The following ARSA variants were observed in gnomAD, a reference collection of about 807,000 sequenced individuals.
The protein encoded by ARSA is cerebroside-sulfatase.
A neutral mutation model predicts 37.8 loss-of-function variants in ARSA; 32 were observed. The observed-to-expected ratio is 0.85, with a 90% CI of 0.64 to 1.14. The LOEUF (loss-of-function observed/expected upper bound fraction) is 1.14, where lower values mean the gene tolerates loss of function less well. ARSA is among the 50% of genes most tolerant of loss of function. The probability of loss-of-function intolerance (pLI) is 0.00; values close to 1 mark genes in which losing one functional copy is unlikely to be tolerated. For synonymous variants in ARSA, 303 were observed against 303.4 expected (o/e 1.00, Z 0.01); for missense variants, 685 against 686.3 (o/e 1.00, Z 0.02).
rs5741862 is a variant in ARSA, at chr22:50,624,805, A to C, written c.*340T>G. ...GTGAACAGATGTGCCCATGTCCTTG[A>C]GGCTGACGTGTGCCTGTGTGCACTG... On this transcript the variant is annotated 3_prime_UTR_variant, in exon 8 of 8. Transcript: ENST00000216124. 7.6e-6 allele frequency among the ~76,000 whole-genome samples: 1 copy of C among 131,766 alleles called. No individual in the cohort carries two copies. Among genetic ancestry groups the C allele is most frequent in the Non-Finnish European group, 1.5e-5 (1 of 65,268 alleles). 86.4% of individuals were successfully genotyped at this position (131,766 alleles called of 152,430 possible). A position where few individuals can be genotyped will look rare whatever the true frequency, so the allele number is the denominator to read the frequency against.
rs188227227 is a variant in ARSA at position 50,628,085 on chromosome 22, G to A, written c.-306C>T. 1.8e-5 allele frequency: 7 copies of A among 394,136 alleles called. No homozygotes were observed. The Admixed American group carries it at 2.7e-4, about 15-fold the overall frequency. The allele number at this position is 394,136 out of a possible 1,614,324, so 24.4% of individuals were successfully genotyped here. ...TCACTTGGCGCTGACCAGCGGAGTC[G>A]GGCCGGGGGGAAGGCGCTAGAGGGA... On this transcript the variant is annotated 5_prime_UTR_variant, in exon 1 of 8. Coordinates refer to ENST00000216124, the MANE Select transcript of ARSA (RefSeq NM_000487.6).
At position 50,627,613 on chromosome 22, in the gene ARSA, G is replaced by A. The variant is rs1265045922; in HGVS notation, c.167C>T (p.Ala56Val). Residue 56 changes from alanine to valine, a missense_variant, in exon 1 of 8, where the codon GCG becomes GTG. Coordinates refer to ENST00000216124, the MANE Select transcript of ARSA (RefSeq NM_000487.6). The part of the protein sequence containing the change: ...STTPNLDQLA[A>V]GGLRFTDFYV... ...GAAGTCTGTGAACCGCAGCCCTCCC[G>A]CCGCCAGCTGGTCCAGGTTGGGAGT... 8 of 1,562,912 alleles carry A rather than the reference G, an allele frequency of 5.1e-6. No individual in the cohort carries two copies. The highest frequency in any genetic ancestry group is 3.8e-5 in the Admixed American group (2 of 52,426).
chr22:50,626,346 C>T lies in ARSA; in HGVS notation c.855-68G>A, dbSNP rs1448155656. The T allele has an allele frequency of 2.5e-6, 4 of 1,588,270 alleles. No homozygotes were observed. In the African/African-American group the frequency reaches 4.0e-5, roughly 16 times the overall value. The stretch of plus-strand genomic sequence containing the variant: ...CTGAGCCACCGAGGGTGACCAGTGG[C>T]CCCACACCTCTAAGTCACAAAGCTT... On this transcript the variant is annotated intron_variant, in intron 4 of 7. Transcript: ENST00000216124.
At chr22:50,627,489 C>T in intron 1 of ARSA, 67 bp downstream of exon 1, 1 of 1,587,850 alleles carries the variant, frequency 6.3e-7, no homozygotes, top group Non-Finnish European at 8.6e-7. Context: ...TTCCCGCCCC[C>T]CTGCAATCCA....
Position 50,627,712 on chromosome 22 carries a change from G to A in ARSA, c.68C>T (p.Pro23Leu), listed in dbSNP as rs1320741073. 1 of 1,554,858 alleles carries A rather than the reference G, an allele frequency of 6.4e-7. No homozygotes were observed. The highest frequency in any genetic ancestry group is 8.7e-7 in the Non-Finnish European group (1 of 1,149,144). Reference sequence around the variant, plus strand: ...GTCGGCAAAGATCAGCACGATGTTGGGCGGACGGGCAACGGCCAGGCCAGC... The same window carrying A: ...GTCGGCAAAGATCAGCACGATGTTGAGCGGACGGGCAACGGCCAGGCCAGC... Reference protein sequence around the residue: ...LAAGLAVARPPNIVLIFADDL... With the variant: ...LAAGLAVARPLNIVLIFADDL... Residue 23 changes from proline to leucine, a missense_variant, in exon 1 of 8, where the codon CCC becomes CTC. By Grantham distance (98) the Pro-to-Leu change is moderately conservative. Coordinates refer to ENST00000216124, the MANE Select transcript of ARSA (RefSeq NM_000487.6).
Position 50,623,697 on chromosome 22 carries a change from G to C in ARSA, c.*1448C>G, listed in dbSNP as rs2082619933. On this transcript the variant is annotated 3_prime_UTR_variant, in exon 8 of 8. Transcript: ENST00000216124. ...GTGGATCACCTGAGGTCAGGAGTTT[G>C]AGACCAGCCTGGCCAACATGGTGAA... 6.6e-6 allele frequency: 1 copy of C among 152,018 alleles called. No individual in the cohort carries two copies. Among genetic ancestry groups the C allele is most frequent in the Non-Finnish European group, 1.5e-5 (1 of 68,028 alleles). The allele number at this position is 152,018 out of a possible 1,614,324, so 9.4% of individuals were successfully genotyped here.
rs74315478 is a variant in ARSA at position 50,625,653 on chromosome 22, G to T, written c.1136C>A (p.Pro379Gln). The T allele has an allele frequency of 1.9e-6, 3 of 1,613,758 alleles. No individual in the cohort carries two copies. The African/African-American group carries it at 4.0e-5, about 22-fold the overall frequency. The change falls in exon 7 of 8, where the codon CCG (proline) becomes CAG (glutamine). Residue 379 changes from proline (P) to glutamine (Q), a missense_variant. Transcript: ENST00000216124. ...KSPRQSLFFYPSYPDEVRGVF... is the reference protein window; with the variant it reads ...KSPRQSLFFYQSYPDEVRGVF... ...CCCACGGACCTCGTCTGGGTAGGAC[G>T]GGTAGAAGAAGAGAGACTGCCGAGG... is the stretch of plus-strand genomic sequence containing the variant.
chr22:50,627,016 TGGCCGGC>T lies in ARSA; in HGVS notation c.495_501del (p.Pro166LeufsTer32), dbSNP rs1057517429. The T allele has an allele frequency of 1.6e-5, 26 of 1,608,812 alleles. No homozygotes were observed. Among genetic ancestry groups the T allele is most frequent in the Non-Finnish European group, 2.2e-5 (26 of 1,177,750 alleles). On this transcript the variant is annotated frameshift_variant, in exon 3 of 8. Coordinates refer to ENST00000216124, the MANE Select transcript of ARSA (RefSeq NM_000487.6). LOFTEE classifies it high-confidence loss of function. ...TGGTCACAGCCACCGTCGCAAGGAG[TGGCCGGC>T]GGGAAGCAGGTCAGGTTCTGGCAGG...
Position 50,628,138 on chromosome 22 carries a change from G to A in ARSA, c.-359C>T, listed in dbSNP as rs1343902517. The stretch of plus-strand genomic sequence containing the variant: ...CCAGGAGGAGCCGGTACCGGGCTGC[G>A]GGCGCTTCCGCCTCGGCCCCGCCCC... On this transcript the variant is annotated 5_prime_UTR_variant, in exon 1 of 8. Coordinates refer to ENST00000216124, the MANE Select transcript of ARSA (RefSeq NM_000487.6). 1.6e-5 allele frequency: 3 copies of A among 191,690 alleles called. No individual in the cohort carries two copies. The highest frequency in any genetic ancestry group is 2.2e-5 in the Non-Finnish European group (2 of 90,552). 11.9% of individuals were successfully genotyped at this position (191,690 alleles called of 1,614,324 possible).
At position 50,627,743 on chromosome 22, in the gene ARSA, G is replaced by A. The variant is rs1206563649; in HGVS notation, c.37C>T (p.Leu13=). Residue 13 remains leucine, a synonymous_variant, in exon 1 of 8, where the codon CTG becomes TTG. Transcript: ENST00000216124. ...MGAPRSLLLA[L]AAGLAVARPP... ...CGGGCAACGGCCAGGCCAGCAGCCAGGGCCAGGAGGAGGGACCGCGGTGCC... is the reference window on the plus strand; with the variant it reads ...CGGGCAACGGCCAGGCCAGCAGCCAAGGCCAGGAGGAGGGACCGCGGTGCC... 1.9e-6 allele frequency: 3 copies of A among 1,550,700 alleles called. No individual in the cohort carries two copies. The highest frequency in any genetic ancestry group is 1.8e-4 in the Middle Eastern group (1 of 5,604).
In ARSA at chr22:50,628,056, T is replaced by A; in HGVS notation, c.-277A>T. ...CGGTCCGGGCTCAGGGTCGGGGGCGTAAGTCACTTGGCGCTGACCAGCGGA... is the reference window on the plus strand; with the variant it reads ...CGGTCCGGGCTCAGGGTCGGGGGCGAAAGTCACTTGGCGCTGACCAGCGGA... On this transcript the variant is annotated 5_prime_UTR_variant, in exon 1 of 8. Transcript: ENST00000216124. 1 of 472,758 alleles carries A rather than the reference T, an allele frequency of 2.1e-6. No homozygotes were observed. The allele number at this position is 472,758 out of a possible 1,614,324, so 29.3% of individuals were successfully genotyped here.
chr22:50,626,956 A>C lies in ARSA; in HGVS notation c.562T>G (p.Ser188Ala), dbSNP rs1428555439. Residue 188 changes from serine to alanine, a missense_variant, in exon 3 of 8, where the codon TCC becomes GCC. Coordinates refer to ENST00000216124, the MANE Select transcript of ARSA (RefSeq NM_000487.6). ...LVPIPLLANL[S>A]VEAQPPWLPG... ...AGCCAGGGGGGCTGCGCCTCCACGG[A>C]CAGGTTGGCCAACAGTGGGATGGGG... 1 of 1,613,042 alleles carries C rather than the reference A, an allele frequency of 6.2e-7. No individual in the cohort carries two copies. The highest frequency in any genetic ancestry group is 1.7e-5 in the Admixed American group (1 of 60,022).
chr22:50,627,271 T>C lies in ARSA; in HGVS notation c.360A>G (p.Thr120=). The C allele has an allele frequency of 6.3e-7, 1 of 1,598,846 alleles. No homozygotes were observed. Among genetic ancestry groups the C allele is most frequent in the Non-Finnish European group, 8.5e-7 (1 of 1,173,582 alleles). ...CAAGGTGCCACTTGCCGGCCATTCC[T>C]GTGAGGTAGCCTCGGGCAGCCAGGA... ...AEVLAARGYL[T]GMAGKWHLGV... The change falls in exon 2 of 8, where the codon ACA becomes ACG. Residue 120 remains threonine, a synonymous_variant. Transcript: ENST00000216124.
rs373829750 is a variant in ARSA at position 50,625,550 on chromosome 22, G to T, written c.1210+29C>A. 91 of 1,609,240 alleles carry T rather than the reference G, an allele frequency of 5.7e-5. No individual in the cohort carries two copies. The East Asian group carries it at 2.0e-3, about 35-fold the overall frequency. ...GGCTCCGGGGAGGGGTCAGCAGGTC[G>T]GGGGGAGGGATCCACGGGGAGGGGT... On this transcript the variant is annotated intron_variant, in intron 7 of 7. Transcript: ENST00000216124.
intron 6 of ARSA, 69 bp from the exon 7 acceptor site, chr22:50,625,750 C>G: frequency 6.3e-7 from 1 of 1,577,834 alleles, no homozygotes; most frequent in Non-Finnish European, 8.7e-7. Flanking sequence ...GGGCTGCCAG[C>G]CCTGGTGGGA....
rs976328696 is a variant in ARSA, at chr22:50,627,301, G to A, written c.330C>T (p.Ala110=). 9 of 1,587,760 alleles carry A rather than the reference G, an allele frequency of 5.7e-6. No homozygotes were observed. The highest frequency in any genetic ancestry group is 6.8e-6 in the Non-Finnish European group (8 of 1,168,086). The change falls in exon 2 of 8, where the codon GCC becomes GCT. Residue 110 remains alanine, a synonymous_variant. Transcript: ENST00000216124. ...GGTAGCCTCGGGCAGCCAGGACTTC[G>A]GCCACGGTCACCTCCTCCAGGGGCA... The part of the protein sequence containing the change: ...GGLPLEEVTV[A]EVLAARGYLT...
Position 50,626,296 on chromosome 22 carries a change from C to T in ARSA, c.855-18G>A, listed in dbSNP as rs1569079198. The T allele has an allele frequency of 2.2e-5, 36 of 1,609,020 alleles. No homozygotes were observed. The highest frequency in any genetic ancestry group is 2.9e-5 in the Non-Finnish European group (34 of 1,179,612). On this transcript the variant is annotated intron_variant, in intron 4 of 7. Coordinates refer to ENST00000216124, the MANE Select transcript of ARSA (RefSeq NM_000487.6). ...TCTCAGGTCTGGGACACAGGAGGCGCTCATGAGCCATGGAGCCACAGCCTC... is the reference window on the plus strand; with the variant it reads ...TCTCAGGTCTGGGACACAGGAGGCGTTCATGAGCCATGGAGCCACAGCCTC...
rs769492279 is a variant in ARSA, at chr22:50,626,937, G to A, written c.581C>T (p.Pro194Leu). 6.2e-7 allele frequency: 1 copy of A among 1,613,212 alleles called. No individual in the cohort carries two copies. The highest frequency in any genetic ancestry group is 8.5e-7 in the Non-Finnish European group (1 of 1,179,968). ...LANLSVEAQP[P>L]WLPGLEARYM... ...GCGGGCCTCTAGTCCGGGCAGCCAGGGGGGCTGCGCCTCCACGGACAGGTT... is the reference window on the plus strand; with the variant it reads ...GCGGGCCTCTAGTCCGGGCAGCCAGAGGGGCTGCGCCTCCACGGACAGGTT... The change falls in exon 3 of 8, where the codon CCC becomes CTC. Residue 194 changes from proline (P) to leucine (L), a missense_variant. Pro to Leu is a moderately conservative substitution (Grantham distance 98). Coordinates refer to ENST00000216124, the MANE Select transcript of ARSA (RefSeq NM_000487.6).
At position 50,625,030 on chromosome 22, in the gene ARSA, C is replaced by A; in HGVS notation, c.*115G>T. 8.1e-7 allele frequency: 1 copy of A among 1,232,136 alleles called. No homozygotes were observed. The highest frequency in any genetic ancestry group is 1.1e-6 in the Non-Finnish European group (1 of 915,698). 76.3% of individuals were successfully genotyped at this position (1,232,136 alleles called of 1,614,324 possible). On this transcript the variant is annotated 3_prime_UTR_variant, in exon 8 of 8. Coordinates refer to ENST00000216124, the MANE Select transcript of ARSA (RefSeq NM_000487.6). ...AGGATTGGACGAATTGTCACATCTG[C>A]AAGTCTCCACTGGTGTTATTACGTT...
Sources: gnomAD v4.1 joint callset for allele counts (sites outside exome capture counted in the v4.1 genomes callset) on GRCh38, gnomAD v4.1.1 for gene constraint, MANE v1.5 for transcripts, NCBI Gene and HGNC (gene_info 2026-07-23, HGNC 2026-07-21) for gene names.